DMGDH: variants seen among roughly 807,000 people sequenced by gnomAD.
DMGDH encodes the protein dimethylglycine dehydrogenase.
Under a neutral mutation model 95.2 loss-of-function variants are expected in DMGDH, and 76 were observed. That is an observed-to-expected ratio of 0.80 (90% CI 0.66 to 0.97). The LOEUF (loss-of-function observed/expected upper bound fraction) is 0.97. DMGDH is among the 50% of genes least tolerant of loss of function. The probability of loss-of-function intolerance (pLI) is 0.00; values close to 1 mark genes in which losing one functional copy is unlikely to be tolerated. For synonymous variants in DMGDH, 345 were observed against 377.6 expected (o/e 0.91, Z 1.00); for missense variants, 987 against 1,055.0 (o/e 0.94, Z 0.89).
At position 79,054,407 on chromosome 5, in the gene DMGDH, G is replaced by A. The variant is rs1320723026; in HGVS notation, c.376-59C>T. ...AAGTCATTGTTTGGTACTCAAACATGGTTCTGCTCCAGTATAATGAAAATG... is the reference window on the plus strand; with the variant it reads ...AAGTCATTGTTTGGTACTCAAACATAGTTCTGCTCCAGTATAATGAAAATG... On this transcript the variant is annotated intron_variant, in intron 3 of 15. Coordinates refer to ENST00000255189, the MANE Select transcript of DMGDH (RefSeq NM_013391.3). 4 of 1,508,068 alleles carry A rather than the reference G, an allele frequency of 2.7e-6. No homozygotes were observed. The African/African-American group carries it at 4.1e-5, about 16-fold the overall frequency. 93.4% of individuals were successfully genotyped at this position (1,508,068 alleles called of 1,614,324 possible). A position where few individuals can be genotyped will look rare whatever the true frequency, so the allele number is the denominator to read the frequency against.
At chr5:79,032,608 A>T in intron 9 of DMGDH, 79 bp downstream of exon 9, 1 of 1,581,296 alleles carries the variant, frequency 6.3e-7, no homozygotes. Context: ...ATGGAGTGTA[A>T]GGCAGAATCA....
At chr5:79,020,593 A>G in intron 14 of DMGDH, 1 of 904,032 alleles carries the variant, frequency 1.1e-6, no homozygotes, top group Middle Eastern at 5.7e-4. Flanking sequence ...GTTTTTGGTT[A>G]TCGAACAGTT....
intron 2 of DMGDH, among the ~76,000 whole-genome samples, chr5:79,057,050 T>C (rs1755055162): frequency 6.6e-6 from 1 of 152,188 alleles, no homozygotes; most frequent in South Asian, 2.1e-4. Flanking sequence ...AATTAGAAAA[T>C]TCCTTATCAC....
chr5:79,009,163 A>G (rs1753598642), intron 14 of DMGDH, among the ~76,000 whole-genome samples: 2 of 152,158 alleles, frequency 1.3e-5, no homozygotes, highest in Non-Finnish European at 2.9e-5. Flanking sequence ...GTACTATGTA[A>G]AAGTATCTGA....
At chr5:79,014,800 A>T (rs935323834) in intron 14 of DMGDH, among the ~76,000 whole-genome samples, 2 of 152,210 alleles carry the variant, frequency 1.3e-5, no homozygotes, top group Non-Finnish European at 2.9e-5. Flanking sequence ...CAATACATCT[A>T]GTCAGAATCA....
At position 79,042,775 on chromosome 5, in the gene DMGDH, TA is replaced by T. The variant is rs5868946; in HGVS notation, c.995-295del. On this transcript the variant is annotated intron_variant, in intron 6 of 15. Transcript: ENST00000255189. The stretch of plus-strand genomic sequence containing the variant: ...GATATTTAATCCAATCAGTTTTTTT[TA>T]AAAAAAAACTATAATTTGGTTTGTC... Among the ~76,000 whole-genome samples the T allele has an allele frequency of 4.2e-3, 633 of 151,752 alleles. 5 individuals are homozygous for T. Among genetic ancestry groups the T allele is most frequent in the African/African-American group, 0.014 (583 of 41,372 alleles).
chr5:79,002,216 G>A (rs776958847), intron 15 of DMGDH, among the ~76,000 whole-genome samples: 17 of 151,986 alleles, frequency 1.1e-4, no homozygotes, highest in Admixed American at 2.0e-4. Context: ...GACTGTCCCC[G>A]TGTGTTTTAG....
intron 3 of DMGDH, among the ~76,000 whole-genome samples, chr5:79,055,444 T>C (rs1363333372): frequency 6.6e-6 from 1 of 152,230 alleles, no homozygotes; most frequent in Non-Finnish European, 1.5e-5. Context: ...AATGAAGTAC[T>C]GTTCAGAGTC....
chr5:78,998,123 T>C lies in DMGDH; in HGVS notation c.2560A>G (p.Arg854Gly). The C allele has an allele frequency of 6.2e-7, 1 of 1,614,242 alleles. No homozygotes were observed. The highest frequency in any genetic ancestry group is 1.1e-5 in the South Asian group (1 of 91,082). ...QEPLVLTEPT[R>G]NRLQKKGGKD... ...CCACCTTTTTTCTGAAGCCGGTTTC[T>C]GGTTGGTTCGGTCAATACCAAAGGT... The change falls in exon 16 of 16, where the codon AGA (arginine) becomes GGA (glycine). Residue 854 changes from arginine to glycine, a missense_variant. Transcript: ENST00000255189.
Position 79,042,404 on chromosome 5 carries a change from CA to C in DMGDH, c.1071del (p.Val358SerfsTer2). On this transcript the variant is annotated frameshift_variant, in exon 7 of 16. Coordinates refer to ENST00000255189, the MANE Select transcript of DMGDH (RefSeq NM_013391.3). LOFTEE classifies it high-confidence loss of function. The stretch of plus-strand genomic sequence containing the variant: ...TTGATGATGTCAGCCTTTTTCAAGA[CA>C]GGAACCATTTCCATGGCAGCTTTGA... Reference protein sequence around the residue: ...EHIKAAMEMVPVLKKADIINV... With the variant: ...EHIKAAMEMVXVLKKADIINV... The C allele has an allele frequency of 1.2e-6, 2 of 1,614,166 alleles. No homozygotes were observed. Among genetic ancestry groups the C allele is most frequent in the Non-Finnish European group, 1.7e-6 (2 of 1,180,028 alleles).
intron 5 of DMGDH, among the ~76,000 whole-genome samples, chr5:79,048,993 T>G (rs1754758777): frequency 6.6e-6 from 1 of 152,114 alleles, no homozygotes; most frequent in African/African-American, 2.4e-5. Flanking sequence ...TGGAAGTGGC[T>G]GGGCAAAAAG....
At position 79,005,410 on chromosome 5, in the gene DMGDH, G is replaced by T; in HGVS notation, c.2251-3C>A. On this transcript the variant is annotated splice_polypyrimidine_tract_variant and splice_region_variant and intron_variant, in intron 14 of 15. Coordinates refer to ENST00000255189, the MANE Select transcript of DMGDH (RefSeq NM_013391.3). Reference sequence around the variant, plus strand: ...TGCTTTCCTATGAAGTCTGCTGGCTGCAGGAATCCAAGATAATGATGATGA... The same window carrying T: ...TGCTTTCCTATGAAGTCTGCTGGCTTCAGGAATCCAAGATAATGATGATGA... The T allele has an allele frequency of 6.2e-7, 1 of 1,614,048 alleles. No homozygotes were observed. Among genetic ancestry groups the T allele is most frequent in the Non-Finnish European group, 8.5e-7 (1 of 1,179,984 alleles).
chr5:79,020,514 G>A (rs1753837055), intron 14 of DMGDH, among the ~76,000 whole-genome samples: 1 of 152,182 alleles, frequency 6.6e-6, no homozygotes, highest in Admixed American at 6.5e-5. Flanking sequence ...AATATTTACT[G>A]AACACCTGGG....
At chr5:78,999,713 A>C (rs1204964897) in intron 15 of DMGDH, among the ~76,000 whole-genome samples, 1 of 152,240 alleles carries the variant, frequency 6.6e-6, no homozygotes, top group African/African-American at 2.4e-5. Context: ...GAAAAATAAA[A>C]TGTGAATACA....
intron 14 of DMGDH, among the ~76,000 whole-genome samples, chr5:79,014,625 T>C (rs1169638346): frequency 6.6e-6 from 1 of 152,208 alleles, no homozygotes; most frequent in Non-Finnish European, 1.5e-5. Flanking sequence ...TATAGTTCCT[T>C]TACTCTAAAT....
At chr5:79,018,826 A>G (rs978466420) in intron 14 of DMGDH, among the ~76,000 whole-genome samples, 4 of 152,220 alleles carry the variant, frequency 2.6e-5, no homozygotes, top group Non-Finnish European at 5.9e-5. Context: ...GTACTGTTTC[A>G]TAACAGAAAT....
At chr5:79,039,798 T>G (rs1754455225) in intron 7 of DMGDH, among the ~76,000 whole-genome samples, 1 of 152,110 alleles carries the variant, frequency 6.6e-6, no homozygotes, top group South Asian at 2.1e-4. Flanking sequence ...TTGAGTGCAG[T>G]CACCAATAAT....
intron 1 of DMGDH, among the ~76,000 whole-genome samples, chr5:79,067,813 G>A (rs1755421691): frequency 1.3e-5 from 2 of 152,166 alleles, no homozygotes; most frequent in Non-Finnish European, 2.9e-5. Flanking sequence ...GAAATGATAA[G>A]CACAAACTGT....
At chr5:79,026,721 A>C in intron 12 of DMGDH, 140 bp from the exon 13 acceptor site, 266 of 1,262,650 alleles carry the variant, frequency 2.1e-4, no homozygotes, top group Non-Finnish European at 2.8e-4. Context: ...AGACCAGCTC[A>C]CAAAAAGTTA....
Sources: gnomAD v4.1 joint callset for allele counts (sites outside exome capture counted in the v4.1 genomes callset) on GRCh38, gnomAD v4.1.1 for gene constraint, MANE v1.5 for transcripts, NCBI Gene and HGNC (gene_info 2026-07-23, HGNC 2026-07-21) for gene names.